GSPT1: variants seen among roughly 807,000 people sequenced by gnomAD.
GSPT1 encodes eukaryotic peptide chain release factor GTP-binding subunit ERF3A.
In GSPT1, 20 loss-of-function variants were observed where a neutral mutation model predicts 72.5. That is an observed-to-expected ratio of 0.28 (90% CI 0.19 to 0.40). The LOEUF (loss-of-function observed/expected upper bound fraction) is 0.40. GSPT1 is among the 10% of genes least tolerant of loss of function. The pLI is 1.00. For missense variants in GSPT1, 580 were observed against 811.9 expected (o/e 0.71, Z 3.47); for synonymous variants, 334 against 293.5 (o/e 1.14, Z -1.41).
chr16:11,869,881 T>A lies in GSPT1; in HGVS notation c.*3238A>T, dbSNP rs2053959902. ...TCATAGGTTCAACTTTTTTCTTGGG[T>A]TGCAAAACTGCATCTGGCTGCAAGT... On this transcript the variant is annotated 3_prime_UTR_variant, in exon 15 of 15. Coordinates refer to ENST00000434724, the MANE Select transcript of GSPT1 (RefSeq NM_002094.4). 1.3e-5 allele frequency: 2 copies of A among 152,192 alleles called. No individual in the cohort carries two copies. Among genetic ancestry groups the A allele is most frequent in the African/African-American group, 4.8e-5 (2 of 41,444 alleles). The allele number at this position is 152,192 out of a possible 1,614,324, so 9.4% of individuals were successfully genotyped here.
In GSPT1 at chr16:11,869,453, T is replaced by C. The variant is rs1304162852; in HGVS notation, c.*3666A>G. On this transcript the variant is annotated 3_prime_UTR_variant, in exon 15 of 15. Transcript: ENST00000434724. ...TGTCCCCTGAATCCACTGGTTGTTC[T>C]CTTCCTTACCTATGTCTGTGAAAGG... 1 of 152,256 alleles carries C rather than the reference T, an allele frequency of 6.6e-6. No individual in the cohort carries two copies. Among genetic ancestry groups the C allele is most frequent in the Non-Finnish European group, 1.5e-5 (1 of 68,048 alleles). The allele number at this position is 152,256 out of a possible 1,614,324, so 9.4% of individuals were successfully genotyped here.
chr16:11,872,996 T>G lies in GSPT1; in HGVS notation c.*123A>C. ...ACATAATGTGGACTTTTGCTGTGAA[T>G]TTCCTCTTTGCAAAATATGGGGAGA... On this transcript the variant is annotated 3_prime_UTR_variant, in exon 15 of 15. Transcript: ENST00000434724. 1.6e-6 allele frequency: 1 copy of G among 627,028 alleles called. No homozygotes were observed. 38.8% of individuals were successfully genotyped at this position (627,028 alleles called of 1,614,324 possible).
At chr16:11,886,665 T>C in intron 8 of GSPT1, 54 bp from the exon 9 acceptor site, 3 of 1,558,166 alleles carry the variant, frequency 1.9e-6, no homozygotes, top group East Asian at 2.2e-5. Context: ...CCAAGAACTC[T>C]AGTTTCCTAA....
chr16:11,872,482 A>G lies in GSPT1; in HGVS notation c.*637T>C, dbSNP rs2053989861. 1 of 152,218 alleles carries G rather than the reference A, an allele frequency of 6.6e-6. No homozygotes were observed. The highest frequency in any genetic ancestry group is 1.5e-5 in the Non-Finnish European group (1 of 68,046). The allele number at this position is 152,218 out of a possible 1,614,324, so 9.4% of individuals were successfully genotyped here. ...CATGTATGCATTAACCATCAAAAGA[A>G]GGGGTCAAACTAATCCTTTCCTTTA... On this transcript the variant is annotated 3_prime_UTR_variant, in exon 15 of 15. Coordinates refer to ENST00000434724, the MANE Select transcript of GSPT1 (RefSeq NM_002094.4).
At chr16:11,912,774 G>A (rs1327793733) in intron 1 of GSPT1, among the ~76,000 whole-genome samples, 2 of 152,016 alleles carry the variant, frequency 1.3e-5, no homozygotes, top group Non-Finnish European at 2.9e-5. Context: ...TATTCACTTG[G>A]GGACCTCACT....
At chr16:11,904,079 C>T (rs182717240) in intron 1 of GSPT1, 11 of 230,526 alleles carry the variant, frequency 4.8e-5, no homozygotes, top group Non-Finnish European at 9.9e-5. Flanking sequence ...ACATTGAAAT[C>T]GCAGACGCTT....
intron 14 of GSPT1, among the ~76,000 whole-genome samples, chr16:11,875,174 T>G (rs980496789): frequency 7.4e-5 from 11 of 148,896 alleles, no homozygotes; most frequent in Admixed American, 6.7e-5. Context: ...GGGTGACAGA[T>G]CGAGACTCCA....
chr16:11,897,926 C>A, intron 2 of GSPT1, 45 bp from the exon 3 acceptor site: 3 of 1,444,798 alleles, frequency 2.1e-6, no homozygotes, highest in Non-Finnish European at 2.9e-6. Flanking sequence ...CAAACAGTAT[C>A]TAGCTTTACA....
intron 1 of GSPT1, among the ~76,000 whole-genome samples, chr16:11,903,494 A>G (rs186535670): frequency 5.3e-5 from 8 of 152,154 alleles, no homozygotes; most frequent in Non-Finnish European, 8.8e-5. Context: ...CAGCCTGGGC[A>G]TAACAGTGAG....
rs1172397771 is a variant in GSPT1 at position 11,872,883 on chromosome 16, G to C, written c.*236C>G. 2 of 408,546 alleles carry C rather than the reference G, an allele frequency of 4.9e-6. No individual in the cohort carries two copies. The highest frequency in any genetic ancestry group is 8.8e-6 in the Non-Finnish European group (2 of 227,236). 25.3% of individuals were successfully genotyped at this position (408,546 alleles called of 1,614,324 possible). A position where few individuals can be genotyped will look rare whatever the true frequency, so the allele number is the denominator to read the frequency against. On this transcript the variant is annotated 3_prime_UTR_variant, in exon 15 of 15. Coordinates refer to ENST00000434724, the MANE Select transcript of GSPT1 (RefSeq NM_002094.4). ...AAAGCTATTGCCAAATCTGTCCAAGGAAGCAGAGTTTGAAGTGAGGGCTAG... is the reference window on the plus strand; with the variant it reads ...AAAGCTATTGCCAAATCTGTCCAAGCAAGCAGAGTTTGAAGTGAGGGCTAG...
intron 4 of GSPT1, among the ~76,000 whole-genome samples, chr16:11,895,851 T>A (rs984116784): frequency 2.0e-5 from 3 of 152,244 alleles, no homozygotes; most frequent in Admixed American, 6.5e-5. Flanking sequence ...GGTCTTGAAC[T>A]CCTGACCTCG....
chr16:11,874,827 G>GT (rs2054019980), intron 14 of GSPT1, among the ~76,000 whole-genome samples: 2 of 152,118 alleles, frequency 1.3e-5, no homozygotes, highest in African/African-American at 4.8e-5. Flanking sequence ...TGACTATTCT[G>GT]TATTTCAATG....
intron 10 of GSPT1, among the ~76,000 whole-genome samples, chr16:11,884,783 A>G (rs907001294): frequency 2.3e-4 from 32 of 138,658 alleles, no homozygotes; most frequent in Admixed American, 1.8e-3. Flanking sequence ...AAAAAAAAAG[A>G]AGGCCAGGTA....
chr16:11,905,919 G>C (rs1361610288), intron 1 of GSPT1, among the ~76,000 whole-genome samples: 3 of 152,180 alleles, frequency 2.0e-5, no homozygotes, highest in Non-Finnish European at 4.4e-5. Flanking sequence ...TAGACTTCCA[G>C]AATGAACTGT....
At chr16:11,897,964 C>T (rs373565593) in intron 2 of GSPT1, 30 bp downstream of exon 2, 6 of 1,511,418 alleles carry the variant, frequency 4.0e-6, no homozygotes, top group East Asian at 2.4e-5. Context: ...AATGTTTTCT[C>T]AAGTAGACTT....
intron 7 of GSPT1, 29 bp from the exon 8 acceptor site, chr16:11,886,960 C>T (rs762093505): frequency 6.2e-7 from 1 of 1,602,276 alleles, no homozygotes; most frequent in East Asian, 2.2e-5. Flanking sequence ...ACAGTTTACT[C>T]CTTCGCCTTC....
intron 1 of GSPT1, among the ~76,000 whole-genome samples, chr16:11,902,439 A>G (rs1441478614): frequency 3.3e-5 from 5 of 151,294 alleles, no homozygotes; most frequent in Non-Finnish European, 7.4e-5. Flanking sequence ...GGCAAAACTA[A>G]TAGTATAATT....
In GSPT1 at chr16:11,877,460, T is replaced by C. The variant is rs2054062622; in HGVS notation, c.1549A>G (p.Ile517Val). The stretch of plus-strand genomic sequence containing the variant: ...CAAAGATTATTAGGATCACAAAGTA[T>C]AAACCCTGGAAGAATCTCCTCTTCT... ...IEEEEILPGF[I>V]LCDPNNLCHS... Residue 517 changes from isoleucine (I) to valine (V), a missense_variant, in exon 12 of 15, where the codon ATA (isoleucine) becomes GTA (valine). By Grantham distance (29) the Ile-to-Val change is conservative. Transcript: ENST00000434724. This position sits in a 1 kb window ranked among gnomAD's most constrained non-coding sequence, Gnocchi z 4.0. The C allele has an allele frequency of 3.1e-6, 5 of 1,611,300 alleles. No homozygotes were observed. The highest frequency in any genetic ancestry group is 4.2e-6 in the Non-Finnish European group (5 of 1,178,762).
intron 5 of GSPT1, among the ~76,000 whole-genome samples, chr16:11,894,521 G>GT (rs2141298887): frequency 6.6e-6 from 1 of 152,224 alleles, no homozygotes; most frequent in East Asian, 1.9e-4. Context: ...TCCCATGTAT[G>GT]TTATATGCAA....
Sources: allele counts gnomAD v4.1 joint callset (sites outside exome capture counted in the v4.1 genomes callset), GRCh38; gene constraint gnomAD v4.1.1; non-coding constraint Gnocchi (gnomAD v3.1); transcripts MANE v1.5; gene names NCBI Gene and HGNC (gene_info 2026-07-23, HGNC 2026-07-21).